The following CACHD1 variants were observed in gnomAD, a reference collection of about 807,000 sequenced individuals.
CACHD1 encodes VWFA and cache domain-containing protein 1.
Under a neutral mutation model 138.7 loss-of-function variants are expected in CACHD1, and 71 were observed. The ratio of observed to expected loss-of-function variants is 0.51; its 90% CI spans 0.42 to 0.62. CACHD1 has a LOEUF of 0.62. Among genes scored for constraint, CACHD1 ranks in the 20% least tolerant of loss-of-function variants. CACHD1 has a pLI of 0.00. For synonymous variants in CACHD1, 578 were observed against 591.5 expected, an observed-to-expected ratio of 0.98 and a Z score of 0.33; for missense variants, 1,389 against 1,625.3, an observed-to-expected ratio of 0.85 and a Z score of 2.50.
intron 3 of CACHD1, among the ~76,000 whole-genome samples, chr1:64,598,367 C>G (rs1022045192): frequency 6.6e-6 from 1 of 152,172 alleles, no homozygotes; most frequent in Non-Finnish European, 1.5e-5. Context: ...TGAAATTCAG[C>G]ACATGTGAGA....
intron 13 of CACHD1, 139 bp from the exon 14 acceptor site, chr1:64,663,556 A>C: frequency 2.6e-6 from 3 of 1,171,080 alleles, no homozygotes; most frequent in Non-Finnish European, 3.6e-6. Flanking sequence ...ATCTGAAAAA[A>C]AAAAAAAAAG....
At chr1:64,680,364 C>G (rs1039154856) in intron 24 of CACHD1, among the ~76,000 whole-genome samples, 3 of 151,908 alleles carry the variant, frequency 2.0e-5, no homozygotes, top group Non-Finnish European at 4.4e-5. Context: ...GGCACCTACC[C>G]GTGGTCTGAG....
chr1:64,592,388 G>A (rs1180273761), intron 3 of CACHD1, among the ~76,000 whole-genome samples: 1 of 152,164 alleles, frequency 6.6e-6, no homozygotes, highest in Non-Finnish European at 1.5e-5. Context: ...GAGCTCATAG[G>A]ACACATGTAG....
chr1:64,581,783 T>A lies in CACHD1; in HGVS notation c.262-373T>A, dbSNP rs1189677796. 5.3e-5 allele frequency among the ~76,000 whole-genome samples: 8 copies of A among 152,336 alleles called. No individual in the cohort carries two copies. The South Asian group carries it at 1.7e-3, about 32-fold the overall frequency. Reference sequence around the variant, plus strand: ...AAGTAACAGATAATGTCTCTCCTCTTTATTCTCCCAGTCATTGTCGTTGCT... The same window carrying A: ...AAGTAACAGATAATGTCTCTCCTCTATATTCTCCCAGTCATTGTCGTTGCT... On this transcript the variant is annotated intron_variant, in intron 2 of 26. Coordinates refer to ENST00000651257, the MANE Select transcript of CACHD1 (RefSeq NM_020925.4).
chr1:64,528,011 A>G (rs889977582), intron 1 of CACHD1, among the ~76,000 whole-genome samples: 1 of 152,242 alleles, frequency 6.6e-6, no homozygotes, highest in East Asian at 1.9e-4. Flanking sequence ...ACAATGCAGA[A>G]TAAATTCTGG....
At chr1:64,496,632 C>T (rs1570305345) in intron 1 of CACHD1, among the ~76,000 whole-genome samples, 1 of 152,004 alleles carries the variant, frequency 6.6e-6, no homozygotes, top group East Asian at 1.9e-4. Flanking sequence ...GTGTGTTCTA[C>T]CTAACATGAA....
rs3078376 is a variant in CACHD1, at chr1:64,486,369, TACAC to T, written c.198+15447_198+15450del. On this transcript the variant is annotated intron_variant, in intron 1 of 26. Coordinates refer to ENST00000651257, the MANE Select transcript of CACHD1 (RefSeq NM_020925.4). ...GCGCGCGCACACACACACACACACATACACACACACACACACACACACATACACA... is the reference window on the plus strand; with the variant it reads ...GCGCGCGCACACACACACACACACATACACACACACACACACACATACACA... Among the ~76,000 whole-genome samples, 1,389 of 145,086 alleles carry T rather than the reference TACAC, an allele frequency of 9.6e-3. 27 individuals are homozygous for T. The highest frequency in any genetic ancestry group is 0.018 in the African/African-American group (690 of 38,234).
At chr1:64,638,287 A>G (rs547040070) in intron 7 of CACHD1, among the ~76,000 whole-genome samples, 1 of 152,310 alleles carries the variant, frequency 6.6e-6, no homozygotes, top group African/African-American at 2.4e-5. Context: ...GTGCTGTTTT[A>G]GGTGCCACAT....
chr1:64,634,002 G>A (rs1434508510), intron 6 of CACHD1, 42 bp from the exon 7 acceptor site: 2 of 1,479,232 alleles, frequency 1.4e-6, no homozygotes, highest in South Asian at 1.2e-5. Context: ...TAGACGGTAG[G>A]ATAACAAGTT....
At chr1:64,614,409 G>A (rs1448387876) in intron 4 of CACHD1, among the ~76,000 whole-genome samples, 1 of 151,816 alleles carries the variant, frequency 6.6e-6, no homozygotes, top group East Asian at 1.9e-4. Context: ...TTCTTTTTGT[G>A]GTCTAGACAC....
At chr1:64,638,790 C>T (rs773629216) in intron 7 of CACHD1, among the ~76,000 whole-genome samples, 10 of 152,064 alleles carry the variant, frequency 6.6e-5, no homozygotes, top group Non-Finnish European at 1.3e-4. Flanking sequence ...TTGCTTGCCC[C>T]TAAAATTGCT....
chr1:64,584,638 G>C (rs1369519590), intron 3 of CACHD1, among the ~76,000 whole-genome samples: 1 of 152,026 alleles, frequency 6.6e-6, no homozygotes, highest in African/African-American at 2.4e-5. Flanking sequence ...TCTATATAGT[G>C]TAGAACTTAA....
At chr1:64,615,550 G>A (rs542261714) in intron 4 of CACHD1, among the ~76,000 whole-genome samples, 2 of 152,306 alleles carry the variant, frequency 1.3e-5, no homozygotes, top group South Asian at 4.1e-4. Flanking sequence ...GCCCAATCCA[G>A]TGCCTTGCCC....
intron 4 of CACHD1, among the ~76,000 whole-genome samples, chr1:64,617,904 C>A (rs1488756040): frequency 6.6e-6 from 1 of 152,060 alleles, no homozygotes; most frequent in African/African-American, 2.4e-5. Context: ...CATGGTGAAA[C>A]CCCATTTCTA....
intron 1 of CACHD1, among the ~76,000 whole-genome samples, chr1:64,480,374 T>C (rs548743599): frequency 6.6e-6 from 1 of 151,986 alleles, no homozygotes; most frequent in Admixed American, 6.6e-5. Flanking sequence ...TGGGGGCCCC[T>C]TTTTTTTCCG....
chr1:64,561,440 T>C (rs191297891), intron 2 of CACHD1, among the ~76,000 whole-genome samples: 1 of 152,346 alleles, frequency 6.6e-6, no homozygotes, highest in East Asian at 1.9e-4. Flanking sequence ...TTTCTTATGC[T>C]CTTTGTTTCT....
intron 2 of CACHD1, among the ~76,000 whole-genome samples, chr1:64,552,502 C>T (rs1325983760): frequency 3.5e-5 from 5 of 141,636 alleles, no homozygotes; most frequent in African/African-American, 8.0e-5. Context: ...CAGGATCTTG[C>T]TCTGTCGCCC....
intron 26 of CACHD1, among the ~76,000 whole-genome samples, chr1:64,683,735 A>G (rs564788194): frequency 1.8e-4 from 27 of 152,352 alleles, no homozygotes; most frequent in Admixed American, 5.9e-4. Context: ...ACAGAATGCA[A>G]CACCAAAAGA....
At chr1:64,535,064 G>A (rs1435256528) in intron 1 of CACHD1, among the ~76,000 whole-genome samples, 1 of 152,142 alleles carries the variant, frequency 6.6e-6, no homozygotes, top group African/African-American at 2.4e-5. Flanking sequence ...CAAAGTGCCC[G>A]TTCCTTCTTC....
Sources: allele counts gnomAD v4.1 joint callset (sites outside exome capture counted in the v4.1 genomes callset), GRCh38; gene constraint gnomAD v4.1.1; transcripts MANE v1.5; gene names NCBI Gene and HGNC (gene_info 2026-07-23, HGNC 2026-07-21).